ZNF207: variants seen among roughly 807,000 people sequenced by gnomAD.
ZNF207 encodes the protein BUB3-interacting and GLEBS motif-containing protein ZNF207.
A neutral mutation model predicts 60.2 loss-of-function variants in ZNF207; 24 were observed. The ratio of observed to expected loss-of-function variants is 0.40; its 90% CI spans 0.29 to 0.56. The LOEUF is 0.56. ZNF207 is among the 20% of genes least tolerant of loss of function. The pLI is 0.49. For synonymous variants in ZNF207, 236 were observed against 194.7 expected, an observed-to-expected ratio of 1.21 and a Z score of -1.77; for missense variants, 452 against 636.6, an observed-to-expected ratio of 0.71 and a Z score of 3.12.
chr17:32,362,713 A>G, intron 6 of ZNF207: 1 of 426,936 alleles, frequency 2.3e-6, no homozygotes, highest in Non-Finnish European at 4.1e-6. Flanking sequence ...GGTAAACCAA[A>G]GAGTTTGCTG....
intron 2 of ZNF207, among the ~76,000 whole-genome samples, chr17:32,356,026 T>G (rs1904486644): frequency 6.6e-6 from 1 of 152,212 alleles, no homozygotes; most frequent in Non-Finnish European, 1.5e-5. Context: ...AGAAACTTAG[T>G]AACATTATTG....
intron 2 of ZNF207, among the ~76,000 whole-genome samples, chr17:32,354,178 C>G (rs750975993): frequency 6.6e-6 from 1 of 152,162 alleles, no homozygotes; most frequent in African/African-American, 2.4e-5. Context: ...CAGGGTCTCA[C>G]TATGTTGCAC....
At chr17:32,354,677 G>C (rs1227539644) in intron 2 of ZNF207, among the ~76,000 whole-genome samples, 1 of 151,980 alleles carries the variant, frequency 6.6e-6, no homozygotes, top group Non-Finnish European at 1.5e-5. Context: ...CAGTGGGCGT[G>C]ATCTCGGCTC....
At chr17:32,361,141 C>A in intron 5 of ZNF207, 174 bp downstream of exon 5, 1 of 729,288 alleles carries the variant, frequency 1.4e-6, no homozygotes, top group Non-Finnish European at 2.2e-6. Flanking sequence ...TATAAATTTG[C>A]CTCTGAGTAA....
At chr17:32,365,242 A>G in intron 7 of ZNF207, 88 bp from the exon 8 acceptor site, 1 of 1,384,530 alleles carries the variant, frequency 7.2e-7, no homozygotes, top group East Asian at 2.4e-5. Flanking sequence ...TGAGCAGTTA[A>G]TTGTTAATAA....
intron 3 of ZNF207, among the ~76,000 whole-genome samples, chr17:32,360,183 C>CCCT (rs1904780915): frequency 8.9e-6 from 1 of 112,496 alleles, no homozygotes; most frequent in African/African-American, 3.3e-5. Flanking sequence ...TTTACCCCCC[C>CCCT]CCCAAAAAAA....
In ZNF207 at chr17:32,350,208, T is replaced by TG; in HGVS notation, c.-75dup. 6.2e-7 allele frequency: 1 copy of TG among 1,602,122 alleles called. No homozygotes were observed. The highest frequency in any genetic ancestry group is 1.7e-4 in the Middle Eastern group (1 of 6,016). On this transcript the variant is annotated 5_prime_UTR_variant, in exon 1 of 12. Coordinates refer to ENST00000394670, the MANE Select transcript of ZNF207 (RefSeq NM_001098507.2). ...TGGGACGTGGTGGTAGCCGTTGGGTTGGGAAAGTGAGGGATTTTTGGCCTC... is the reference window on the plus strand; with the variant it reads ...TGGGACGTGGTGGTAGCCGTTGGGTTGGGGAAAGTGAGGGATTTTTGGCCTC...
At chr17:32,366,884 C>A in intron 9 of ZNF207, 127 bp downstream of exon 9, 1 of 749,506 alleles carries the variant, frequency 1.3e-6, no homozygotes, top group Non-Finnish European at 2.0e-6. Context: ...AAAATTAATG[C>A]TATATAAGTC....
At chr17:32,368,235 A>G (rs1158122845) in intron 10 of ZNF207, 7 of 589,992 alleles carry the variant, frequency 1.2e-5, no homozygotes, top group Non-Finnish European at 2.0e-5. Flanking sequence ...CCCTTCCTCC[A>G]GACTGTTTCT....
intron 1 of ZNF207, among the ~76,000 whole-genome samples, chr17:32,350,539 G>C (rs2041482014): frequency 6.6e-6 from 1 of 152,148 alleles, no homozygotes; most frequent in Non-Finnish European, 1.5e-5. Flanking sequence ...GTGTGACTCT[G>C]TGACTCAGGA....
At chr17:32,353,811 CAAAAAAAAAAAAAA>C (rs536502166) in intron 2 of ZNF207, among the ~76,000 whole-genome samples, 53,336 of 112,534 alleles carry the variant, frequency 0.47, 11,227 homozygotes, top group Non-Finnish European at 0.53. Flanking sequence ...ACTCTGTCTC[CAAAAAAAAAAAAAA>C]AAAAAAAAAA....
At position 32,379,289 on chromosome 17, in the gene ZNF207, G is replaced by A. The variant is rs1905793660; in HGVS notation, c.*9530G>A. 1 of 151,950 alleles carries A rather than the reference G, an allele frequency of 6.6e-6. No homozygotes were observed. Among genetic ancestry groups the A allele is most frequent in the African/African-American group, 2.4e-5 (1 of 41,412 alleles). 9.4% of individuals were successfully genotyped at this position (151,950 alleles called of 1,614,324 possible). On this transcript the variant is annotated 3_prime_UTR_variant, in exon 12 of 12. Coordinates refer to ENST00000394670, the MANE Select transcript of ZNF207 (RefSeq NM_001098507.2). ...TGAAATAGGACACTTTGATTAAAGA[G>A]GTGAGCACTCTGAATTTCTACATCT...
Position 32,360,708 on chromosome 17 carries a change from C to T in ZNF207, c.418C>T (p.Pro140Ser). Residue 140 changes from proline to serine, a missense_variant, in exon 4 of 12, where the codon CCT becomes TCT. Transcript: ENST00000394670. ...QPVQPQQGYIPPMAQPGLPPV... is the reference protein window; with the variant it reads ...QPVQPQQGYISPMAQPGLPPV... Reference sequence around the variant, plus strand: ...TGTTCAACCTCAGCAAGGTTATATTCCTCCAATGGCACAGCCAGGACTGCC... The same window carrying T: ...TGTTCAACCTCAGCAAGGTTATATTTCTCCAATGGCACAGCCAGGACTGCC... The T allele has an allele frequency of 6.2e-7, 1 of 1,614,112 alleles. No homozygotes were observed. The highest frequency in any genetic ancestry group is 1.1e-5 in the South Asian group (1 of 91,076).
Position 32,370,817 on chromosome 17 carries a change from A to C in ZNF207, c.*1058A>C, listed in dbSNP as rs1322872686. 6.6e-6 allele frequency: 1 copy of C among 152,256 alleles called. No homozygotes were observed. The highest frequency in any genetic ancestry group is 2.4e-5 in the African/African-American group (1 of 41,466). The allele number at this position is 152,256 out of a possible 1,614,324, so 9.4% of individuals were successfully genotyped here. A position where few individuals can be genotyped will look rare whatever the true frequency, so the allele number is the denominator to read the frequency against. Reference sequence around the variant, plus strand: ...TAGAAGCTTAGGTGCATGCAGTAATAGCTTCTTGTGCTGTTAATGGGTTAT... The same window carrying C: ...TAGAAGCTTAGGTGCATGCAGTAATCGCTTCTTGTGCTGTTAATGGGTTAT... On this transcript the variant is annotated 3_prime_UTR_variant, in exon 12 of 12. Coordinates refer to ENST00000394670, the MANE Select transcript of ZNF207 (RefSeq NM_001098507.2).
intron 1 of ZNF207, 80 bp downstream of exon 1, chr17:32,350,406 CT>C: frequency 6.3e-7 from 1 of 1,587,048 alleles, no homozygotes; most frequent in Non-Finnish European, 8.6e-7. Flanking sequence ...CTGGATTTGG[CT>C]TACGGCGTGG....
At chr17:32,351,761 T>C in intron 1 of ZNF207, 25 bp from the exon 2 acceptor site, 1 of 1,608,688 alleles carries the variant, frequency 6.2e-7, no homozygotes, top group Non-Finnish European at 8.5e-7. Context: ...TTAGGCTGTC[T>C]TTGTGCCTTA....
chr17:32,367,611 A>AT (rs1905264215), intron 9 of ZNF207, among the ~76,000 whole-genome samples, 161 bp from the exon 10 acceptor site: 2 of 152,036 alleles, frequency 1.3e-5, no homozygotes, highest in African/African-American at 4.8e-5. Flanking sequence ...TTTATGGGTT[A>AT]TCTTGAATTT....
In ZNF207 at chr17:32,361,513, C is replaced by T. The variant is rs953867393; in HGVS notation, c.597C>T (p.Asn199=). 6.2e-7 allele frequency: 1 copy of T among 1,606,880 alleles called. No homozygotes were observed. Among genetic ancestry groups the T allele is most frequent in the Middle Eastern group, 1.7e-4 (1 of 6,046 alleles). ...ACACCCAGTCATTTTGCGGTGAAAA[C>T]ATGTAAGCATCTCATTCATAATGTA... The part of the protein sequence containing the change: ...RKYTQSFCGE[N]IMMPMGGMMP... Residue 199 remains asparagine (N), a splice_region_variant and synonymous_variant, in exon 6 of 12, where the codon AAC becomes AAT. Coordinates refer to ENST00000394670, the MANE Select transcript of ZNF207 (RefSeq NM_001098507.2).
chr17:32,363,199 T>C (rs1298724026), intron 7 of ZNF207, among the ~76,000 whole-genome samples: 1 of 152,202 alleles, frequency 6.6e-6, no homozygotes, highest in Non-Finnish European at 1.5e-5. Context: ...GCGATTCTTC[T>C]GCCTCAGCCT....
Sources: gnomAD v4.1 joint callset for allele counts (sites outside exome capture counted in the v4.1 genomes callset) on GRCh38, gnomAD v4.1.1 for gene constraint, MANE v1.5 for transcripts, NCBI Gene and HGNC (gene_info 2026-07-23, HGNC 2026-07-21) for gene names.